The following STIM2 variants were observed in gnomAD, a reference collection of about 807,000 sequenced individuals.
The protein encoded by STIM2 is stromal interaction molecule 2.
STIM2 carries 31 observed loss-of-function variants against 85.8 expected under a neutral mutation model. The observed-to-expected ratio is 0.36, with a 90% CI of 0.27 to 0.49. The LOEUF (loss-of-function observed/expected upper bound fraction) is 0.49. STIM2 is among the 20% of genes least tolerant of loss of function. The pLI is 0.98. For missense variants in STIM2, 841 were observed against 927.6 expected, an observed-to-expected ratio of 0.91 and a Z score of 1.21; for synonymous variants, 356 against 331.1, an observed-to-expected ratio of 1.08 and a Z score of -0.82.
chr4:26,953,781 C>T lies in STIM2; in HGVS notation c.283-3831C>T, dbSNP rs79520039. On this transcript the variant is annotated intron_variant, in intron 2 of 11. Transcript: ENST00000467087. ...TATTGGCTTCCTCTGTTTGCCTTACCACCTAGACTGTCTCGACTACTCATA... is the reference window on the plus strand; with the variant it reads ...TATTGGCTTCCTCTGTTTGCCTTACTACCTAGACTGTCTCGACTACTCATA... Among the ~76,000 whole-genome samples the T allele has an allele frequency of 6.7e-3, 1,020 of 152,080 alleles. 21 individuals carry two copies. Among genetic ancestry groups the T allele is most frequent in the African/African-American group, 0.024 (977 of 41,498 alleles).
Position 26,861,080 on chromosome 4 carries a change from G to T in STIM2, c.-139G>T, listed in dbSNP as rs1722155368. 1 of 1,191,660 alleles carries T rather than the reference G, an allele frequency of 8.4e-7. No individual in the cohort carries two copies. The highest frequency in any genetic ancestry group is 4.6e-5 in the Admixed American group (1 of 21,664). 73.8% of individuals were successfully genotyped at this position (1,191,660 alleles called of 1,614,324 possible). ...CGGAGGAGTCGCCGGCGGCGGTGGT[G>T]GCGCCTCGCGGAGCCGGCGAGCTGC... On this transcript the variant is annotated 5_prime_UTR_variant, in exon 1 of 12. Transcript: ENST00000467087.
chr4:26,954,279 A>T (rs774124698), intron 2 of STIM2, among the ~76,000 whole-genome samples: 2 of 152,164 alleles, frequency 1.3e-5, no homozygotes, highest in Non-Finnish European at 2.9e-5. Context: ...GTTTATTTAA[A>T]AGAATCGTCT....
At chr4:26,914,752 A>G (rs1465760158) in intron 1 of STIM2, among the ~76,000 whole-genome samples, 2 of 152,260 alleles carry the variant, frequency 1.3e-5, no homozygotes, top group Non-Finnish European at 1.5e-5. Flanking sequence ...ACGATACAAT[A>G]TAATATACTT....
intron 2 of STIM2, among the ~76,000 whole-genome samples, chr4:26,934,129 G>A (rs763362346): frequency 1.3e-5 from 2 of 152,116 alleles, no homozygotes; most frequent in Non-Finnish European, 2.9e-5. Context: ...AGGAGGCGGA[G>A]TTTGCAGTGA....
At chr4:26,907,383 TTC>T (rs1325991123) in intron 1 of STIM2, among the ~76,000 whole-genome samples, 2 of 152,202 alleles carry the variant, frequency 1.3e-5, no homozygotes, top group African/African-American at 4.8e-5. Context: ...TAGCTGTCAC[TTC>T]TCTCTTAAAC....
rs534242079 is a variant in STIM2, at chr4:26,921,905, G to A, written c.282+2271G>A. ...CTATTTATCATGATTAAAATCATTC[G>A]ATTAGAGCTCAGTCAGTACCAGCGA... is the stretch of plus-strand genomic sequence containing the variant. On this transcript the variant is annotated intron_variant, in intron 2 of 11. Coordinates refer to ENST00000467087, the MANE Select transcript of STIM2 (RefSeq NM_020860.4). Among the ~76,000 whole-genome samples, 5 of 152,196 alleles carry A rather than the reference G, an allele frequency of 3.3e-5. No individual in the cohort carries two copies. The South Asian group carries it at 8.3e-4, about 25-fold the overall frequency.
Position 27,023,408 on chromosome 4 carries a change from A to G in STIM2, c.*412A>G, listed in dbSNP as rs1728978959. On this transcript the variant is annotated 3_prime_UTR_variant, in exon 12 of 12. Coordinates refer to ENST00000467087, the MANE Select transcript of STIM2 (RefSeq NM_020860.4). Reference sequence around the variant, plus strand: ...TTCTTATCTTTCCACAGAGCTATTTACATCCTGGACTATATAACTTAAAAG... The same window carrying G: ...TTCTTATCTTTCCACAGAGCTATTTGCATCCTGGACTATATAACTTAAAAG... 1 of 177,672 alleles carries G rather than the reference A, an allele frequency of 5.6e-6. No individual in the cohort carries two copies. Among genetic ancestry groups the G allele is most frequent in the African/African-American group, 2.4e-5 (1 of 41,976 alleles). The allele number at this position is 177,672 out of a possible 1,614,324, so 11.0% of individuals were successfully genotyped here.
At position 26,963,893 on chromosome 4, in the gene STIM2, A is replaced by G. The variant is rs562602867; in HGVS notation, c.397+6167A>G. Among the ~76,000 whole-genome samples the G allele has an allele frequency of 3.4e-3, 514 of 152,346 alleles. 7 individuals carry two copies. Among genetic ancestry groups the G allele is most frequent in the African/African-American group, 0.012 (495 of 41,592 alleles). On this transcript the variant is annotated intron_variant, in intron 3 of 11. Coordinates refer to ENST00000467087, the MANE Select transcript of STIM2 (RefSeq NM_020860.4). ...CATTTTTAGTGTATGTGAGATAATA[A>G]TAAACACTTTAAAAATTTTGTCTTT...
At chr4:26,961,424 T>C (rs1726463955) in intron 3 of STIM2, among the ~76,000 whole-genome samples, 1 of 152,152 alleles carries the variant, frequency 6.6e-6, no homozygotes, top group South Asian at 2.1e-4. Context: ...TAATTACTAG[T>C]GGCACATAAA....
intron 9 of STIM2, 31 bp from the exon 10 acceptor site, chr4:27,008,733 C>T (rs1348245757): frequency 1.3e-6 from 2 of 1,598,592 alleles, no homozygotes; most frequent in East Asian, 2.2e-5. Flanking sequence ...CCTTTTGATG[C>T]AGTAAGTAAT....
intron 1 of STIM2, 106 bp downstream of exon 1, chr4:26,861,475 G>A: frequency 2.4e-6 from 3 of 1,231,886 alleles, no homozygotes; most frequent in Non-Finnish European, 3.0e-6. Context: ...CCGCGGCTCC[G>A]GCCAGGGCGC....
At chr4:26,956,331 A>G (rs1560219075) in intron 2 of STIM2, among the ~76,000 whole-genome samples, 1 of 152,210 alleles carries the variant, frequency 6.6e-6, no homozygotes, top group Non-Finnish European at 1.5e-5. Context: ...GATAAGATTA[A>G]TAAGTGGTAT....
intron 1 of STIM2, among the ~76,000 whole-genome samples, chr4:26,901,028 A>G (rs1282151794): frequency 6.6e-6 from 1 of 152,180 alleles, no homozygotes; most frequent in Non-Finnish European, 1.5e-5. Flanking sequence ...ATCTCATTTA[A>G]GAATTTCCTC....
intron 11 of STIM2, among the ~76,000 whole-genome samples, chr4:27,021,861 C>T (rs1004565816): frequency 1.3e-5 from 2 of 152,026 alleles, no homozygotes; most frequent in South Asian, 4.1e-4. Flanking sequence ...TTTGGGGTTA[C>T]AAAATTTATT....
intron 1 of STIM2, among the ~76,000 whole-genome samples, chr4:26,907,470 T>TC (rs1724175381): frequency 1.3e-5 from 2 of 152,160 alleles, no homozygotes; most frequent in Admixed American, 1.3e-4. Context: ...TACTGAAGTC[T>TC]CCATTTTCTC....
chr4:27,010,594 C>G (rs1327808568), intron 10 of STIM2, among the ~76,000 whole-genome samples: 1 of 152,158 alleles, frequency 6.6e-6, no homozygotes, highest in African/African-American at 2.4e-5. Flanking sequence ...AATTTCTGGA[C>G]CTGATAAATG....
chr4:26,958,285 T>A (rs1726324614), intron 3 of STIM2, among the ~76,000 whole-genome samples: 1 of 152,160 alleles, frequency 6.6e-6, no homozygotes, highest in African/African-American at 2.4e-5. Flanking sequence ...CTTGGTTCCA[T>A]ATACTAGGAA....
chr4:26,891,633 A>T (rs991355620), intron 1 of STIM2, among the ~76,000 whole-genome samples: 1 of 151,624 alleles, frequency 6.6e-6, no homozygotes, highest in African/African-American at 2.4e-5. Flanking sequence ...TTTCTAGAAA[A>T]CCCTGACTGA....
chr4:26,893,474 A>G (rs367783019), intron 1 of STIM2, among the ~76,000 whole-genome samples: 8 of 152,272 alleles, frequency 5.3e-5, no homozygotes, highest in African/African-American at 1.7e-4. Context: ...AGATTTGTCC[A>G]TTTTGTTCTG....
Sources: allele counts gnomAD v4.1 joint callset (sites outside exome capture counted in the v4.1 genomes callset), GRCh38; gene constraint gnomAD v4.1.1; transcripts MANE v1.5; gene names NCBI Gene and HGNC (gene_info 2026-07-23, HGNC 2026-07-21).